Variants in RGS6 observed in about 807,000 individuals in gnomAD.
RGS6 encodes regulator of G protein signaling 6.
Under a neutral mutation model 78.5 loss-of-function variants are expected in RGS6, and 30 were observed. The observed-to-expected ratio is 0.38, with a 90% CI of 0.29 to 0.52. The LOEUF is 0.52. Ranked by LOEUF, RGS6 falls within the 20% of genes least tolerant of loss-of-function variation. The probability of loss-of-function intolerance (pLI) is 0.85; values close to 1 mark genes in which losing one functional copy is unlikely to be tolerated. For missense variants in RGS6, 495 were observed against 609.7 expected (o/e 0.81, Z 1.98); for synonymous variants, 206 against 206.0 (o/e 1.00, Z 0.00).
chr14:72,124,901 T>C (rs919331948), intron 2 of RGS6, among the ~76,000 whole-genome samples: 4 of 152,116 alleles, frequency 2.6e-5, no homozygotes, highest in African/African-American at 9.7e-5. Flanking sequence ...AGGCCAAAAG[T>C]CAGATAAACA....
chr14:72,053,872 T>C (rs191404283), intron 2 of RGS6, among the ~76,000 whole-genome samples: 39 of 152,356 alleles, frequency 2.6e-4, no homozygotes, highest in Non-Finnish European at 5.4e-4. Flanking sequence ...GACCTTACAC[T>C]TATGTATTCA....
At chr14:71,939,743 G>A (rs2090191076) in intron 1 of RGS6, among the ~76,000 whole-genome samples, 2 of 152,254 alleles carry the variant, frequency 1.3e-5, no homozygotes, top group Admixed American at 1.3e-4. Flanking sequence ...TCTCCAAGAT[G>A]CATCTGTCTT....
intron 2 of RGS6, among the ~76,000 whole-genome samples, chr14:72,086,309 T>TC (rs145471555): frequency 0.013 from 2,043 of 152,302 alleles, 54 homozygotes; most frequent in African/African-American, 0.047. Context: ...TTAGAGTTTT[T>TC]CTCCCACAAT....
intron 6 of RGS6, among the ~76,000 whole-genome samples, chr14:72,462,819 G>T (rs186138389): frequency 7.2e-5 from 11 of 152,266 alleles, no homozygotes; most frequent in African/African-American, 2.6e-4. Flanking sequence ...TGAGGGGCCT[G>T]TACTTGATGG....
chr14:72,505,067 C>T (rs977360541), intron 13 of RGS6, among the ~76,000 whole-genome samples: 2 of 151,738 alleles, frequency 1.3e-5, no homozygotes, highest in Non-Finnish European at 2.9e-5. Context: ...TGAGCCACTG[C>T]ACCCAGCCAA....
chr14:71,917,078 A>C, the RGS6 span, among the ~76,000 whole-genome samples: 1 of 152,204 alleles, frequency 6.6e-6, no homozygotes, highest in African/African-American at 2.4e-5. Flanking sequence ...TTGGGACTGC[A>C]CTCATGGGTC....
At chr14:72,109,170 T>C (rs2095699279) in intron 2 of RGS6, among the ~76,000 whole-genome samples, 1 of 152,188 alleles carries the variant, frequency 6.6e-6, no homozygotes, top group Non-Finnish European at 1.5e-5. Flanking sequence ...ATTTTATTTT[T>C]TTCCCAGCAG....
chr14:72,510,232 C>G lies in RGS6; in HGVS notation c.1044C>G (p.Asp348Glu). Reference protein sequence around the residue: ...DEILKDQVGRDQFLRFLESEF... With the variant: ...DEILKDQVGREQFLRFLESEF... The stretch of plus-strand genomic sequence containing the variant: ...TATTGAAGGACCAGGTGGGGCGGGA[C>G]CAGTTTCTACGATTCCTGGAGTCCG... Residue 348 changes from aspartate to glutamate, a missense_variant, in exon 14 of 18, where the codon GAC becomes GAG. Physicochemically the swap from Asp to Glu is conservative, Grantham distance 45. Coordinates refer to ENST00000553525, the MANE Select transcript of RGS6 (RefSeq NM_001204424.2). 1 of 1,614,140 alleles carries G rather than the reference C, an allele frequency of 6.2e-7. No individual in the cohort carries two copies. Among genetic ancestry groups the G allele is most frequent in the East Asian group, 2.2e-5 (1 of 44,886 alleles).
intron 2 of RGS6, among the ~76,000 whole-genome samples, chr14:72,263,273 T>G (rs2153891704): frequency 6.6e-6 from 1 of 152,360 alleles, no homozygotes; most frequent in East Asian, 1.9e-4. Context: ...TTTATATGTG[T>G]AAGAGATTCT....
chr14:72,542,890 C>T (rs528956160), intron 17 of RGS6, among the ~76,000 whole-genome samples: 34 of 152,212 alleles, frequency 2.2e-4, no homozygotes, highest in African/African-American at 7.5e-4. Context: ...CCATGAGATC[C>T]TAAGGAGACA....
chr14:71,920,260 T>G, the RGS6 span, among the ~76,000 whole-genome samples: 1 of 152,232 alleles, frequency 6.6e-6, no homozygotes, highest in Non-Finnish European at 1.5e-5. Context: ...CCAAGGCAGC[T>G]CAGCAGCTTT....
chr14:71,966,031 A>G lies in RGS6; in HGVS notation c.84+1156A>G, dbSNP rs113237027. ...ACATTTTAAAGGAAGAAAATGGCAC[A>G]TAAGTTTATTTTAGTACATGCTGAA... On this transcript the variant is annotated intron_variant, in intron 2 of 17. Coordinates refer to ENST00000553525, the MANE Select transcript of RGS6 (RefSeq NM_001204424.2). Among the ~76,000 whole-genome samples, 1,178 of 152,370 alleles carry G rather than the reference A, an allele frequency of 7.7e-3. 16 individuals are homozygous for G. The highest frequency in any genetic ancestry group is 0.026 in the African/African-American group (1,076 of 41,586).
rs2093076644 is a variant in RGS6, at chr14:72,049,362, C to T, written c.84+84487C>T. Among the ~76,000 whole-genome samples, 4 of 152,264 alleles carry T rather than the reference C, an allele frequency of 2.6e-5. No homozygotes were observed. In the South Asian group the frequency reaches 6.2e-4, roughly 24 times the overall value. Reference sequence around the variant, plus strand: ...GGGATTGGCCCCTGGCTTTACTTGTCCTTAACATGGGCTTTGATAAGGGGA... The same window carrying T: ...GGGATTGGCCCCTGGCTTTACTTGTTCTTAACATGGGCTTTGATAAGGGGA... On this transcript the variant is annotated intron_variant, in intron 2 of 17. Coordinates refer to ENST00000553525, the MANE Select transcript of RGS6 (RefSeq NM_001204424.2).
intron 2 of RGS6, among the ~76,000 whole-genome samples, chr14:72,218,863 G>A (rs1475778061): frequency 6.6e-6 from 1 of 151,928 alleles, no homozygotes; most frequent in Non-Finnish European, 1.5e-5. Flanking sequence ...ACCCACCTTG[G>A]CCTTCCAAAG....
At chr14:72,186,552 G>T (rs1315716078) in intron 2 of RGS6, among the ~76,000 whole-genome samples, 1 of 152,126 alleles carries the variant, frequency 6.6e-6, no homozygotes, top group Non-Finnish European at 1.5e-5. Context: ...AGTGTGCTGA[G>T]GTGACCTATT....
At chr14:72,380,839 A>C (rs1258696616) in intron 3 of RGS6, among the ~76,000 whole-genome samples, 1 of 151,964 alleles carries the variant, frequency 6.6e-6, no homozygotes, top group African/African-American at 2.4e-5. Flanking sequence ...AAAGGGAAGG[A>C]AATCAGTATA....
chr14:72,392,538 G>A (rs967952677), intron 3 of RGS6, among the ~76,000 whole-genome samples: 3 of 152,144 alleles, frequency 2.0e-5, no homozygotes, highest in Non-Finnish European at 4.4e-5. Flanking sequence ...ATTCAGGGAA[G>A]GTAGAGCAGT....
chr14:72,141,057 G>T (rs1202892333), intron 2 of RGS6, among the ~76,000 whole-genome samples: 2 of 152,164 alleles, frequency 1.3e-5, no homozygotes, highest in Non-Finnish European at 2.9e-5. Context: ...TAGTCAGATG[G>T]TGAGTTCTGT....
At chr14:71,898,297 C>A in the RGS6 span, among the ~76,000 whole-genome samples, 1 of 152,154 alleles carries the variant, frequency 6.6e-6, no homozygotes, top group Admixed American at 6.5e-5. Flanking sequence ...TCCTCCAACC[C>A]TCCCCTCACC....
Sources: allele counts gnomAD v4.1 joint callset (sites outside exome capture counted in the v4.1 genomes callset), GRCh38; gene constraint gnomAD v4.1.1; transcripts MANE v1.5; gene names NCBI Gene and HGNC (gene_info 2026-07-23, HGNC 2026-07-21).